ADAMTS20: variants seen among roughly 807,000 people sequenced by gnomAD.
ADAMTS20 encodes the protein ADAM metallopeptidase with thrombospondin type 1 motif 20.
A neutral mutation model predicts 260.1 loss-of-function variants in ADAMTS20; 225 were observed. That is an observed-to-expected ratio of 0.87 (90% CI 0.78 to 0.97). ADAMTS20 has a LOEUF of 0.97. Among genes scored for constraint, ADAMTS20 ranks in the 50% least tolerant of loss-of-function variants. ADAMTS20 has a pLI of 0.00. For missense variants in ADAMTS20, 2,400 were observed against 2,337.7 expected (o/e 1.03, Z -0.55); for synonymous variants, 802 against 769.5 (o/e 1.04, Z -0.70).
At chr12:43,530,868 C>T (rs1042028390) in intron 3 of ADAMTS20, among the ~76,000 whole-genome samples, 2 of 151,678 alleles carry the variant, frequency 1.3e-5, no homozygotes, top group South Asian at 4.1e-4. Context: ...CTTCAGTAGT[C>T]TAAATTTTAT....
At chr12:43,525,060 T>G (rs748100845) in intron 3 of ADAMTS20, among the ~76,000 whole-genome samples, 11 of 147,964 alleles carry the variant, frequency 7.4e-5, no homozygotes, top group Non-Finnish European at 3.1e-5. Context: ...AAAAAGGTCA[T>G]CATCAGTGCA....
intron 7 of ADAMTS20, among the ~76,000 whole-genome samples, chr12:43,483,707 G>A (rs189384678): frequency 3.2e-4 from 49 of 152,194 alleles, no homozygotes; most frequent in Non-Finnish European, 3.4e-4. Flanking sequence ...GGAGAGTCAC[G>A]GTGGCTCCTT....
chr12:43,535,604 T>C (rs1341669437), intron 2 of ADAMTS20, among the ~76,000 whole-genome samples: 2 of 152,208 alleles, frequency 1.3e-5, no homozygotes, highest in African/African-American at 4.8e-5. Context: ...AAAAATATTG[T>C]TTATGCTTAT....
At chr12:43,433,917 T>C (rs7301900) in intron 19 of ADAMTS20, 11,519 of 364,162 alleles carry the variant, frequency 0.032, 273 homozygotes, top group East Asian at 0.079. Flanking sequence ...AAGTAAAGAA[T>C]CATGCTAAAA....
At chr12:43,518,806 C>T (rs1214419529) in intron 3 of ADAMTS20, among the ~76,000 whole-genome samples, 1 of 143,964 alleles carries the variant, frequency 6.9e-6, no homozygotes, top group African/African-American at 2.6e-5. Flanking sequence ...TCCATCCTTC[C>T]ACTGGCTCAG....
intron 7 of ADAMTS20, among the ~76,000 whole-genome samples, chr12:43,479,306 A>G (rs1397337): frequency 0.33 from 50,114 of 152,072 alleles, 8,880 homozygotes; most frequent in East Asian, 0.75. Context: ...TAGTAATGTA[A>G]TTAGTAAATA....
chr12:43,477,169 G>A (rs918008925), intron 7 of ADAMTS20, among the ~76,000 whole-genome samples: 4 of 151,352 alleles, frequency 2.6e-5, no homozygotes, highest in Non-Finnish European at 5.9e-5. Flanking sequence ...TATAATTTAT[G>A]TACACAGGAG....
intron 14 of ADAMTS20, among the ~76,000 whole-genome samples, chr12:43,451,845 T>G (rs1223567364): frequency 6.6e-6 from 1 of 152,158 alleles, no homozygotes; most frequent in Non-Finnish European, 1.5e-5. Context: ...TTGTTGAATG[T>G]ACATAAAAAA....
At chr12:43,469,804 A>G (rs529683436) in intron 7 of ADAMTS20, among the ~76,000 whole-genome samples, 1 of 152,308 alleles carries the variant, frequency 6.6e-6, no homozygotes, top group African/African-American at 2.4e-5. Context: ...AGATGTCCTA[A>G]CAACTAGAAT....
In ADAMTS20 at chr12:43,459,775, GA is replaced by G. The variant is rs924856481; in HGVS notation, c.1614+3119del. Among the ~76,000 whole-genome samples the G allele has an allele frequency of 6.0e-5, 9 of 150,660 alleles. No homozygotes were observed. In the East Asian group the frequency reaches 9.7e-4, roughly 16 times the overall value. On this transcript the variant is annotated intron_variant, in intron 11 of 38. Coordinates refer to ENST00000389420, the MANE Select transcript of ADAMTS20 (RefSeq NM_025003.5). ...AATATAAGAAAGCCATATTAGAAGT[GA>G]AAAAAAAATCATAATGTACTATGTG...
chr12:43,499,689 G>C (rs1942728741), intron 4 of ADAMTS20, among the ~76,000 whole-genome samples: 1 of 151,960 alleles, frequency 6.6e-6, no homozygotes, highest in Admixed American at 6.5e-5. Context: ...GTTTTCAGTA[G>C]AGACAGGGTT....
At chr12:43,445,597 G>A (rs1338341660) in intron 15 of ADAMTS20, among the ~76,000 whole-genome samples, 1 of 151,962 alleles carries the variant, frequency 6.6e-6, no homozygotes, top group African/African-American at 2.4e-5. Context: ...GTAATTTCAG[G>A]ACTTTGGGAG....
At chr12:43,451,909 C>G (rs1941870552) in intron 14 of ADAMTS20, among the ~76,000 whole-genome samples, 1 of 152,134 alleles carries the variant, frequency 6.6e-6, no homozygotes, top group Non-Finnish European at 1.5e-5. Flanking sequence ...TTTCAACGGA[C>G]AAGGAAAACA....
chr12:43,359,527 A>G (rs1335063531), intron 37 of ADAMTS20, among the ~76,000 whole-genome samples: 1 of 152,246 alleles, frequency 6.6e-6, no homozygotes, highest in Non-Finnish European at 1.5e-5. Context: ...TAGAAAGGCT[A>G]TGGATTTAAA....
Position 43,377,396 on chromosome 12 carries a change from A to T in ADAMTS20, c.4964T>A (p.Leu1655Ter). The change falls in exon 32 of 39, where the codon TTG (leucine) becomes TAG (stop). Residue 1655 changes from leucine (L) to a stop codon, truncating the protein, a stop_gained. Coordinates refer to ENST00000389420, the MANE Select transcript of ADAMTS20 (RefSeq NM_025003.5). LOFTEE classifies it high-confidence loss of function. ...CCATTTTCCAACTTTCCAAGTGGCC[A>T]AATGCAAACAGCTGTTAATGCATTG... The part of the protein sequence containing the change: ...VYQCINSCLH[L>*]ATWKVGKWSK... The T allele has an allele frequency of 6.2e-7, 1 of 1,613,030 alleles. No homozygotes were observed. Among genetic ancestry groups the T allele is most frequent in the Non-Finnish European group, 8.5e-7 (1 of 1,179,396 alleles).
intron 7 of ADAMTS20, among the ~76,000 whole-genome samples, chr12:43,475,466 T>A (rs1244154465): frequency 4.1e-5 from 6 of 145,976 alleles, no homozygotes; most frequent in Non-Finnish European, 9.1e-5. Context: ...CCAATGCCTT[T>A]CTTCACAGAA....
At chr12:43,442,356 C>T (rs1941682575) in intron 16 of ADAMTS20, among the ~76,000 whole-genome samples, 1 of 151,756 alleles carries the variant, frequency 6.6e-6, no homozygotes, top group Non-Finnish European at 1.5e-5. Flanking sequence ...CCCCCAGATT[C>T]CAGCGATTCT....
chr12:43,472,028 A>T (rs2137395488), intron 7 of ADAMTS20, among the ~76,000 whole-genome samples: 1 of 152,280 alleles, frequency 6.6e-6, no homozygotes, highest in South Asian at 2.1e-4. Flanking sequence ...TCAGAAAATC[A>T]AATTACTCTG....
chr12:43,452,832 A>G, intron 12 of ADAMTS20, 137 bp from the exon 13 acceptor site: 2 of 773,052 alleles, frequency 2.6e-6, no homozygotes, highest in East Asian at 2.8e-5. Context: ...AGTATGTAAC[A>G]TGAGTTTTAC....
Sources: gnomAD v4.1 joint callset for allele counts (sites outside exome capture counted in the v4.1 genomes callset) on GRCh38, gnomAD v4.1.1 for gene constraint, MANE v1.5 for transcripts, NCBI Gene and HGNC (gene_info 2026-07-23, HGNC 2026-07-21) for gene names.